NUP93: variants seen among roughly 807,000 people sequenced by gnomAD.
The protein encoded by NUP93 is nucleoporin 93, also known as nuclear pore complex protein Nup93.
A neutral mutation model predicts 107.8 loss-of-function variants in NUP93; 55 were observed. The ratio of observed to expected loss-of-function variants is 0.51; its 90% CI spans 0.41 to 0.64. NUP93 has a LOEUF of 0.64. Ranked by LOEUF, NUP93 falls within the 30% of genes least tolerant of loss-of-function variation. The pLI, the probability that NUP93 is intolerant of heterozygous loss-of-function variation, is 0.00. For synonymous variants in NUP93, 390 were observed against 397.5 expected, an observed-to-expected ratio of 0.98 and a Z score of 0.22; for missense variants, 937 against 1,044.7, an observed-to-expected ratio of 0.90 and a Z score of 1.42.
At chr16:56,793,496 C>T (rs771330442) in intron 3 of NUP93, among the ~76,000 whole-genome samples, 72 of 152,146 alleles carry the variant, frequency 4.7e-4, no homozygotes, top group Non-Finnish European at 8.4e-4. Flanking sequence ...TCATCCTTCA[C>T]GTTCCAGCTC....
At chr16:56,839,206 G>A (rs1963971902) in intron 19 of NUP93, 137 bp downstream of exon 19, 1 of 463,034 alleles carries the variant, frequency 2.2e-6, no homozygotes, top group Non-Finnish European at 3.8e-6. Context: ...GTACAATCCT[G>A]GGACTTAAAA....
At chr16:56,833,161 G>GT in intron 12 of NUP93, 54 bp from the exon 13 acceptor site, 1 of 1,519,046 alleles carries the variant, frequency 6.6e-7, no homozygotes, top group Non-Finnish European at 8.9e-7. Flanking sequence ...TGGGCCACCA[G>GT]TGAGCCCCTT....
intron 3 of NUP93, among the ~76,000 whole-genome samples, chr16:56,796,828 T>C (rs1219051389): frequency 6.6e-6 from 1 of 152,010 alleles, no homozygotes; most frequent in Non-Finnish European, 1.5e-5. Flanking sequence ...AATACAAAAA[T>C]TAGCTGGAGT....
Position 56,830,512 on chromosome 16 carries a change from A to G in NUP93, c.928-16A>G. On this transcript the variant is annotated splice_polypyrimidine_tract_variant and intron_variant, in intron 9 of 21. Transcript: ENST00000308159. ...TTTCCTTGTTTATTTTGAGCACTTAACTGTTCCTCTTTTAGGATGGAGAGG... is the reference window on the plus strand; with the variant it reads ...TTTCCTTGTTTATTTTGAGCACTTAGCTGTTCCTCTTTTAGGATGGAGAGG... The G allele has an allele frequency of 6.4e-7, 1 of 1,557,180 alleles. No homozygotes were observed. Among genetic ancestry groups the G allele is most frequent in the African/African-American group, 1.4e-5 (1 of 73,548 alleles).
At chr16:56,731,596 C>T (rs1476535173) in intron 1 of NUP93, among the ~76,000 whole-genome samples, 5 of 151,918 alleles carry the variant, frequency 3.3e-5, no homozygotes, top group Non-Finnish European at 4.4e-5. Context: ...TTAGTAGAGA[C>T]GGGATTTCAC....
At chr16:56,760,576 G>A (rs1962105925) in intron 3 of NUP93, among the ~76,000 whole-genome samples, 1 of 152,038 alleles carries the variant, frequency 6.6e-6, no homozygotes, top group Non-Finnish European at 1.5e-5. Context: ...AGAGTTGGGG[G>A]CAGGGGCGGG....
chr16:56,818,951 T>C (rs1271480755), intron 6 of NUP93, among the ~76,000 whole-genome samples: 1 of 152,254 alleles, frequency 6.6e-6, no homozygotes, highest in African/African-American at 2.4e-5. Context: ...AATTGAAATC[T>C]GTCCTTTACA....
At chr16:56,768,953 G>C (rs1389363626) in intron 3 of NUP93, among the ~76,000 whole-genome samples, 1 of 152,012 alleles carries the variant, frequency 6.6e-6, no homozygotes, top group Non-Finnish European at 1.5e-5. Flanking sequence ...ATTATGTTCA[G>C]ACGTGTGCTA....
rs1224252104 is a variant in NUP93 at position 56,844,757 on chromosome 16, T to A, written c.*148T>A. 4.8e-6 allele frequency: 2 copies of A among 412,376 alleles called. No homozygotes were observed. Among genetic ancestry groups the A allele is most frequent in the Non-Finnish European group, 8.6e-6 (2 of 233,130 alleles). 25.5% of individuals were successfully genotyped at this position (412,376 alleles called of 1,614,324 possible). ...TTTTGTCAACGCCAATAAATTTCTTTGATTTGTATTTCTTTTCAACATTCT... is the reference window on the plus strand; with the variant it reads ...TTTTGTCAACGCCAATAAATTTCTTAGATTTGTATTTCTTTTCAACATTCT... On this transcript the variant is annotated 3_prime_UTR_variant, in exon 22 of 22. Coordinates refer to ENST00000308159, the MANE Select transcript of NUP93 (RefSeq NM_014669.5).
Position 56,823,688 on chromosome 16 carries a change from C to A in NUP93, c.655-19C>A, listed in dbSNP as rs747826620. 1 of 1,612,588 alleles carries A rather than the reference C, an allele frequency of 6.2e-7. No individual in the cohort carries two copies. The highest frequency in any genetic ancestry group is 8.5e-7 in the Non-Finnish European group (1 of 1,178,882). ...TCTGGCCCTGCAGCATTGTCACATG[C>A]AGTTTCATTTATGTGCAGAGCATTT... On this transcript the variant is annotated intron_variant, in intron 7 of 21. Transcript: ENST00000308159.
intron 3 of NUP93, among the ~76,000 whole-genome samples, chr16:56,770,407 T>C (rs1460018469): frequency 6.6e-6 from 1 of 152,204 alleles, no homozygotes; most frequent in Non-Finnish European, 1.5e-5. Flanking sequence ...ATAAAGGGTG[T>C]GTTTTCACCC....
At chr16:56,802,163 C>T (rs920165128) in intron 4 of NUP93, among the ~76,000 whole-genome samples, 15 of 152,172 alleles carry the variant, frequency 9.9e-5, no homozygotes, top group Non-Finnish European at 2.1e-4. Flanking sequence ...CCACCTGGCC[C>T]TCCATTTTAC....
At chr16:56,743,932 G>A (rs918859937) in intron 1 of NUP93, among the ~76,000 whole-genome samples, 1 of 152,128 alleles carries the variant, frequency 6.6e-6, no homozygotes, top group Non-Finnish European at 1.5e-5. Flanking sequence ...GATACTTTGC[G>A]ATGCTCTCTG....
At chr16:56,800,322 G>A (rs79984435) in intron 4 of NUP93, among the ~76,000 whole-genome samples, 14,297 of 152,198 alleles carry the variant, frequency 0.094, 700 homozygotes, top group East Asian at 0.15. Flanking sequence ...CATTAAGTGA[G>A]TTACTCACCA....
At chr16:56,757,513 C>G (rs770008141) in intron 2 of NUP93, among the ~76,000 whole-genome samples, 12 of 152,184 alleles carry the variant, frequency 7.9e-5, no homozygotes, top group Non-Finnish European at 1.5e-4. Context: ...CACCCCACCA[C>G]TACACTACGA....
At chr16:56,739,587 C>A (rs1961676337) in intron 1 of NUP93, among the ~76,000 whole-genome samples, 1 of 115,454 alleles carries the variant, frequency 8.7e-6, no homozygotes, top group Non-Finnish European at 1.8e-5. Context: ...GACCCCCCCA[C>A]CTCCCTCCCG....
At chr16:56,840,748 C>T (rs901007660) in intron 20 of NUP93, among the ~76,000 whole-genome samples, 2 of 152,224 alleles carry the variant, frequency 1.3e-5, no homozygotes, top group Admixed American at 6.5e-5. Flanking sequence ...ATAATCCCAA[C>T]ATTTTGGGAG....
At position 56,757,075 on chromosome 16, in the gene NUP93, A is replaced by G. The variant is rs571855907; in HGVS notation, c.180-1463A>G. On this transcript the variant is annotated intron_variant, in intron 2 of 21. Transcript: ENST00000308159. ...GTTGACGTGGAAGAGACAAAAATCT[A>G]TAGGAAGGAACCTCTGGGTAAATGT... Among the ~76,000 whole-genome samples, 9 of 152,326 alleles carry G rather than the reference A, an allele frequency of 5.9e-5. No individual in the cohort carries two copies. In the East Asian group the frequency reaches 1.5e-3, roughly 26 times the overall value.
At position 56,834,152 on chromosome 16, in the gene NUP93, C is replaced by G. The variant is rs1368778740; in HGVS notation, c.1562C>G (p.Pro521Arg). The G allele has an allele frequency of 6.2e-7, 1 of 1,614,026 alleles. No homozygotes were observed. Among genetic ancestry groups the G allele is most frequent in the Non-Finnish European group, 8.5e-7 (1 of 1,180,026 alleles). Reference sequence around the variant, plus strand: ...GTCAGCCACGAGCCTGGTGACCCTCCTTGCTTGCGGCGGCTGAACTTCGTG... The same window carrying G: ...GTCAGCCACGAGCCTGGTGACCCTCGTTGCTTGCGGCGGCTGAACTTCGTG... ...QLLSHEPGDP[P>R]CLRRLNFVRL... Residue 521 changes from proline to arginine, a missense_variant, in exon 14 of 22, where the codon CCT (proline) becomes CGT (arginine). Transcript: ENST00000308159.
Sources: gnomAD v4.1 joint callset for allele counts (sites outside exome capture counted in the v4.1 genomes callset) on GRCh38, gnomAD v4.1.1 for gene constraint, MANE v1.5 for transcripts, NCBI Gene and HGNC (gene_info 2026-07-23, HGNC 2026-07-21) for gene names.